Variants in TBC1D8B observed in about 807,000 individuals in gnomAD.
The protein encoded by TBC1D8B is TBC1 domain family member 8B, also known as RP11-321G1.1.
Under a neutral mutation model 82.9 loss-of-function variants are expected in TBC1D8B, and 75 were observed. The observed-to-expected ratio is 0.90, with a 90% CI of 0.75 to 1.10. The LOEUF is 1.10. TBC1D8B is among the 50% of genes least tolerant of loss of function. The pLI is 0.00. For synonymous variants in TBC1D8B, 276 were observed against 276.8 expected, an observed-to-expected ratio of 1.00 and a Z score of 0.03; for missense variants, 794 against 796.9, an observed-to-expected ratio of 1.00 and a Z score of 0.04.
intron 10 of TBC1D8B, among the ~76,000 whole-genome samples, chrX:106,844,863 G>A (rs1469633887): frequency 1.8e-5 from 2 of 110,548 alleles, no homozygotes; most frequent in Non-Finnish European, 3.8e-5. Flanking sequence ...TGCTCTTAGA[G>A]TTTGCTTTGT....
chrX:106,850,186 G>T lies in TBC1D8B; in HGVS notation c.1999G>T (p.Val667Leu), dbSNP rs1932557652. The stretch of plus-strand genomic sequence containing the variant: ...ACCTATTGAAAGTGCAGTGAATGTG[G>T]TGGACTGTTTCTTCTATGATGGAAT... Reference protein sequence around the residue: ...VLPIESAVNVVDCFFYDGIKA... With the variant: ...VLPIESAVNVLDCFFYDGIKA... The change falls in exon 12 of 21, where the codon GTG becomes TTG. Residue 667 changes from valine (V) to leucine (L), a missense_variant. Val to Leu is a conservative substitution (Grantham distance 32). Coordinates refer to ENST00000357242, the MANE Select transcript of TBC1D8B (RefSeq NM_017752.3). 8.3e-7 allele frequency: 1 copy of T among 1,209,537 alleles called. No individual in the cohort carries two copies. Among genetic ancestry groups the T allele is most frequent in the Non-Finnish European group, 1.1e-6 (1 of 895,178 alleles).
intron 7 of TBC1D8B, among the ~76,000 whole-genome samples, chrX:106,831,377 A>C (rs17319517): frequency 0.16 from 17,399 of 110,721 alleles, 1,394 homozygotes; most frequent in Middle Eastern, 0.35. Flanking sequence ...TACATTGGCC[A>C]TCAAGGGTTT....
At chrX:106,803,063 G>A (rs966284484) in intron 1 of TBC1D8B, 80 bp downstream of exon 1, 3 of 1,050,888 alleles carry the variant, frequency 2.9e-6, no homozygotes, top group South Asian at 5.1e-5. Flanking sequence ...GTTACTCGTC[G>A]CTACCAGTTT....
At chrX:106,865,771 C>T in intron 15 of TBC1D8B, 22 bp from the exon 16 acceptor site, 4 of 1,153,293 alleles carry the variant, frequency 3.5e-6, no homozygotes, top group Non-Finnish European at 3.5e-6. Flanking sequence ...AGTAACTTTC[C>T]TTTTTTATTT....
intron 10 of TBC1D8B, among the ~76,000 whole-genome samples, chrX:106,845,997 G>C (rs1314318349): frequency 9.2e-6 from 1 of 109,120 alleles, no homozygotes; most frequent in African/African-American, 3.3e-5. Context: ...GGCTTTGCTG[G>C]AGTTCCAACC....
At chrX:106,831,205 G>C (rs1413289670) in intron 7 of TBC1D8B, among the ~76,000 whole-genome samples, 1 of 111,332 alleles carries the variant, frequency 9.0e-6, no homozygotes, top group Non-Finnish European at 1.9e-5. Context: ...TTGGAGTATA[G>C]AGCCTTTTAC....
intron 1 of TBC1D8B, among the ~76,000 whole-genome samples, chrX:106,807,211 C>A (rs1397380392): frequency 1.9e-5 from 2 of 107,874 alleles, no homozygotes; most frequent in Non-Finnish European, 3.8e-5. Context: ...CGCCCCCCCC[C>A]ATACACACAC....
At chrX:106,845,056 G>A (rs909213521) in intron 10 of TBC1D8B, among the ~76,000 whole-genome samples, 1 of 109,995 alleles carries the variant, frequency 9.1e-6, no homozygotes, top group Non-Finnish European at 1.9e-5. Context: ...CTTCTATAAG[G>A]TTGATAGTTC....
intron 10 of TBC1D8B, among the ~76,000 whole-genome samples, chrX:106,841,798 G>A (rs1184316545): frequency 8.9e-6 from 1 of 111,769 alleles, no homozygotes; most frequent in Non-Finnish European, 1.9e-5. Flanking sequence ...AAACCTTCCC[G>A]AGTACATTTT....
intron 1 of TBC1D8B, chrX:106,815,867 A>AT (rs1450599963): frequency 8.9e-6 from 1 of 111,763 alleles, no homozygotes; most frequent in Non-Finnish European, 1.9e-5. Flanking sequence ...ACAACGCTTC[A>AT]TGCTAAAACC....
intron 7 of TBC1D8B, among the ~76,000 whole-genome samples, chrX:106,838,853 C>T (rs1221412741): frequency 9.0e-6 from 1 of 111,331 alleles, no homozygotes; most frequent in African/African-American, 3.3e-5. Context: ...TTGTCTATGC[C>T]CTAGGGATAG....
At position 106,854,184 on chromosome X, in the gene TBC1D8B, C is replaced by T; in HGVS notation, c.2254-14C>T. On this transcript the variant is annotated splice_polypyrimidine_tract_variant and intron_variant, in intron 13 of 20. Transcript: ENST00000357242. Reference sequence around the variant, plus strand: ...ATTATGAGTGAGTAGCCACTGAAATCATATCTCTTGCAGAAATATGGTAAT... The same window carrying T: ...ATTATGAGTGAGTAGCCACTGAAATTATATCTCTTGCAGAAATATGGTAAT... The T allele has an allele frequency of 2.7e-6, 3 of 1,111,542 alleles. No individual in the cohort carries two copies. Among genetic ancestry groups the T allele is most frequent in the Non-Finnish European group, 3.6e-6 (3 of 833,802 alleles). The allele number at this position is 1,111,542 out of a possible 1,213,427, so 91.6% of individuals were successfully genotyped here. A position where few individuals can be genotyped will look rare whatever the true frequency, so the allele number is the denominator to read the frequency against.
intron 12 of TBC1D8B, among the ~76,000 whole-genome samples, chrX:106,851,719 C>T (rs1932589423): frequency 9.0e-6 from 1 of 111,590 alleles, no homozygotes; most frequent in South Asian, 3.9e-4. Flanking sequence ...CCAGTTTCAT[C>T]CATGTCCCTA....
chrX:106,825,738 A>G (rs1457824413), intron 5 of TBC1D8B, among the ~76,000 whole-genome samples: 1 of 111,260 alleles, frequency 9.0e-6, no homozygotes, highest in Admixed American at 9.7e-5. Flanking sequence ...ATAATATAAT[A>G]GTCTTCTAGG....
At chrX:106,807,206 C>G (rs1393171808) in intron 1 of TBC1D8B, among the ~76,000 whole-genome samples, 1 of 108,137 alleles carries the variant, frequency 9.2e-6, no homozygotes, top group Non-Finnish European at 1.9e-5. Flanking sequence ...CTACCCGCCC[C>G]CCCCCATACA....
intron 7 of TBC1D8B, among the ~76,000 whole-genome samples, chrX:106,837,076 T>C (rs1331071371): frequency 1.8e-5 from 2 of 112,116 alleles, no homozygotes; most frequent in East Asian, 5.6e-4. Flanking sequence ...ATGTAAGAGC[T>C]GAAACTATGA....
Position 106,826,199 on chromosome X carries a change from G to T in TBC1D8B, c.997G>T (p.Asp333Tyr). Reference sequence around the variant, plus strand: ...AAATTATATCTGCTTTGCTAGCCAAGATGGCAATCAGTGTAGTGTAATCAT... The same window carrying T: ...AAATTATATCTGCTTTGCTAGCCAATATGGCAATCAGTGTAGTGTAATCAT... ...SENYICFASQ[D>Y]GNQCSVIIPL... The change falls in exon 6 of 21, where the codon GAT becomes TAT. Residue 333 changes from aspartate to tyrosine, a missense_variant. By Grantham distance (160) the Asp-to-Tyr change is radical. Transcript: ENST00000357242. The T allele has an allele frequency of 8.3e-7, 1 of 1,210,859 alleles. No homozygotes were observed. The highest frequency in any genetic ancestry group is 2.2e-5 in the Admixed American group (1 of 45,913).
intron 14 of TBC1D8B, among the ~76,000 whole-genome samples, chrX:106,864,512 CT>C (rs771983121): frequency 4.5e-3 from 371 of 82,466 alleles, no homozygotes; most frequent in African/African-American, 9.7e-3. Flanking sequence ...TGCTGGGCAC[CT>C]TTTTTTTTTT....
intron 1 of TBC1D8B, among the ~76,000 whole-genome samples, chrX:106,813,152 C>T (rs1931430593): frequency 8.9e-6 from 1 of 112,234 alleles, no homozygotes; most frequent in Admixed American, 9.5e-5. Flanking sequence ...GTCACCAAGC[C>T]CAGCCTCTGA....
Sources: allele counts gnomAD v4.1 joint callset (sites outside exome capture counted in the v4.1 genomes callset), GRCh38; gene constraint gnomAD v4.1.1; transcripts MANE v1.5; gene names NCBI Gene and HGNC (gene_info 2026-07-23, HGNC 2026-07-21).